MEMO1: variants seen among roughly 807,000 people sequenced by gnomAD.
The protein encoded by MEMO1 is protein MEMO1.
MEMO1 carries 6 observed loss-of-function variants against 45.2 expected under a neutral mutation model. The ratio of observed to expected loss-of-function variants is 0.13; its 90% CI spans 0.07 to 0.26. The LOEUF (loss-of-function observed/expected upper bound fraction) is 0.26, where lower values mean the gene tolerates loss of function less well. Ranked by LOEUF, MEMO1 falls within the 10% of genes least tolerant of loss-of-function variation. MEMO1 has a pLI of 1.00. For missense variants in MEMO1, 184 were observed against 370.5 expected, an observed-to-expected ratio of 0.50 and a Z score of 4.13; for synonymous variants, 78 against 124.3, an observed-to-expected ratio of 0.63 and a Z score of 2.48.
rs73922616 is a variant in MEMO1 at position 31,941,984 on chromosome 2, A to T, written c.143+1318T>A. On this transcript the variant is annotated intron_variant, in intron 3 of 9. Transcript: ENST00000404530. Reference sequence around the variant, plus strand: ...ACTATTTATCAGGGCATGAACCTTAACCCAATAGAAGTCACAAACAACAAC... The same window carrying T: ...ACTATTTATCAGGGCATGAACCTTATCCCAATAGAAGTCACAAACAACAAC... 7.2e-3 allele frequency among the ~76,000 whole-genome samples: 1,093 copies of T among 152,322 alleles called. 10 individuals carry two copies. The highest frequency in any genetic ancestry group is 0.025 in the African/African-American group (1,032 of 41,560).
At position 31,876,678 on chromosome 2, in the gene MEMO1, C is replaced by A. The variant is rs377575771; in HGVS notation, c.657+6708G>T. The stretch of plus-strand genomic sequence containing the variant: ...ACATATCCCTAATAGAATTTATTAT[C>A]TTCCTGCCCCACCCCCACCAAAAAC... On this transcript the variant is annotated intron_variant, in intron 8 of 9. Transcript: ENST00000404530. Among the ~76,000 whole-genome samples the A allele has an allele frequency of 4.5e-4, 69 of 152,226 alleles. No individual in the cohort carries two copies. In the South Asian group the frequency reaches 6.6e-3, roughly 15 times the overall value.
chr2:31,975,836 T>C (rs1669943543), intron 2 of MEMO1, among the ~76,000 whole-genome samples: 1 of 152,222 alleles, frequency 6.6e-6, no homozygotes, highest in African/African-American at 2.4e-5. Flanking sequence ...AAGTGGCCCA[T>C]AAATTATGAA....
At chr2:31,986,219 C>A (rs1671238815) in intron 2 of MEMO1, among the ~76,000 whole-genome samples, 1 of 152,050 alleles carries the variant, frequency 6.6e-6, no homozygotes, top group Admixed American at 6.6e-5. Context: ...ACGGTGAAAC[C>A]CCGTCTCTAC....
intron 2 of MEMO1, among the ~76,000 whole-genome samples, chr2:31,977,466 G>A (rs1670136371): frequency 6.6e-6 from 1 of 151,936 alleles, no homozygotes; most frequent in African/African-American, 2.4e-5. Context: ...ACACATTAGA[G>A]AATTTTCTTA....
At chr2:31,912,128 A>C (rs569109838) in intron 6 of MEMO1, among the ~76,000 whole-genome samples, 9 of 152,220 alleles carry the variant, frequency 5.9e-5, no homozygotes, top group African/African-American at 1.9e-4. Context: ...TGAGGTCAGG[A>C]GTTCAAGACC....
At chr2:31,958,880 G>C (rs1234697291) in intron 2 of MEMO1, among the ~76,000 whole-genome samples, 1 of 152,052 alleles carries the variant, frequency 6.6e-6, no homozygotes, top group East Asian at 1.9e-4. Flanking sequence ...AAAACTCCTG[G>C]GCTCAAGCAA....
chr2:32,005,281 C>G (rs1673919499), intron 2 of MEMO1, among the ~76,000 whole-genome samples: 1 of 136,374 alleles, frequency 7.3e-6, no homozygotes, highest in South Asian at 2.3e-4. Context: ...GATCGAGCCA[C>G]GGCACTCTAG....
At chr2:31,969,828 T>C (rs1669169896) in intron 2 of MEMO1, among the ~76,000 whole-genome samples, 2 of 151,864 alleles carry the variant, frequency 1.3e-5, no homozygotes, top group South Asian at 2.1e-4. Context: ...CAGTCTGGTC[T>C]CAAGCAATCC....
intron 2 of MEMO1, among the ~76,000 whole-genome samples, chr2:32,004,986 C>A (rs1673875271): frequency 6.6e-6 from 1 of 150,854 alleles, no homozygotes; most frequent in Non-Finnish European, 1.5e-5. Context: ...CACCCTAAGG[C>A]ATATATCCAT....
intron 6 of MEMO1, among the ~76,000 whole-genome samples, chr2:31,901,968 A>C (rs1678897398): frequency 6.7e-6 from 1 of 149,200 alleles, no homozygotes; most frequent in Non-Finnish European, 1.5e-5. Context: ...CTGTAGATTT[A>C]CTAAAAAAAA....
intron 2 of MEMO1, among the ~76,000 whole-genome samples, chr2:32,002,361 G>A (rs1170152799): frequency 6.8e-6 from 1 of 148,132 alleles, no homozygotes; most frequent in Non-Finnish European, 1.5e-5. Flanking sequence ...ACATATGTAT[G>A]AGGAAATCCT....
intron 2 of MEMO1, among the ~76,000 whole-genome samples, chr2:31,976,280 T>C (rs947567349): frequency 6.6e-6 from 1 of 152,132 alleles, no homozygotes; most frequent in Non-Finnish European, 1.5e-5. Context: ...TTCAGAACTA[T>C]AAAGAATATA....
intron 2 of MEMO1, among the ~76,000 whole-genome samples, chr2:32,002,213 G>A (rs1400866159): frequency 8.6e-6 from 1 of 116,582 alleles, no homozygotes; most frequent in Non-Finnish European, 1.7e-5. Context: ...ATGTATATAC[G>A]TATATACGTA....
At chr2:32,001,974 C>T (rs1295290607) in intron 2 of MEMO1, among the ~76,000 whole-genome samples, 3 of 151,216 alleles carry the variant, frequency 2.0e-5, no homozygotes, top group African/African-American at 4.9e-5. Context: ...GGTGAAACCC[C>T]GTCTCTACTA....
At chr2:31,913,095 G>A (rs1680847990) in intron 6 of MEMO1, among the ~76,000 whole-genome samples, 1 of 151,602 alleles carries the variant, frequency 6.6e-6, no homozygotes, top group Non-Finnish European at 1.5e-5. Context: ...TGGCCAACAA[G>A]GTCTACTAAA....
At chr2:31,941,480 T>C (rs1249820467) in intron 3 of MEMO1, among the ~76,000 whole-genome samples, 2 of 152,184 alleles carry the variant, frequency 1.3e-5, no homozygotes, top group African/African-American at 4.8e-5. Context: ...GCACCTGACA[T>C]AGAATATAAT....
At chr2:31,971,848 T>C (rs1669446854) in intron 2 of MEMO1, among the ~76,000 whole-genome samples, 1 of 152,116 alleles carries the variant, frequency 6.6e-6, no homozygotes, top group African/African-American at 2.4e-5. Context: ...CACACACCTA[T>C]AATCCCAGCT....
At chr2:31,899,741 A>G (rs1196422217) in intron 6 of MEMO1, among the ~76,000 whole-genome samples, 2 of 152,238 alleles carry the variant, frequency 1.3e-5, no homozygotes, top group Non-Finnish European at 2.9e-5. Flanking sequence ...ATCAGAGTGA[A>G]CAGGCAACCT....
chr2:31,900,529 TG>T (rs1166307300), intron 6 of MEMO1, among the ~76,000 whole-genome samples: 4 of 151,066 alleles, frequency 2.6e-5, no homozygotes, highest in Middle Eastern at 3.4e-3. Context: ...CGGGGCCTGT[TG>T]GGGAGTGGGG....
Sources: allele counts gnomAD v4.1 joint callset (sites outside exome capture counted in the v4.1 genomes callset), GRCh38; gene constraint gnomAD v4.1.1; transcripts MANE v1.5; gene names NCBI Gene and HGNC (gene_info 2026-07-23, HGNC 2026-07-21).